UNC13B: variants seen among roughly 807,000 people sequenced by gnomAD.
UNC13B encodes the protein unc-13 homolog B, also known as protein unc-13 homolog B.
In UNC13B, 144 loss-of-function variants were observed where a neutral mutation model predicts 211.0. That is an observed-to-expected ratio of 0.68 (90% CI 0.60 to 0.78). UNC13B has a LOEUF of 0.78. Among genes scored for constraint, UNC13B ranks in the 30% least tolerant of loss-of-function variants. The probability of loss-of-function intolerance (pLI) is 0.00; values close to 1 mark genes in which losing one functional copy is unlikely to be tolerated. For missense variants in UNC13B, 1,777 were observed against 2,002.0 expected (o/e 0.89, Z 2.14); for synonymous variants, 709 against 725.8 (o/e 0.98, Z 0.37).
chr9:35,346,404 A>G (rs1832361064), intron 11 of UNC13B, among the ~76,000 whole-genome samples: 1 of 152,196 alleles, frequency 6.6e-6, no homozygotes, highest in African/African-American at 2.4e-5. Flanking sequence ...CATTTATTTG[A>G]TAAGTCAGAG....
At chr9:35,223,784 A>G (rs1824690063) in intron 1 of UNC13B, among the ~76,000 whole-genome samples, 1 of 152,076 alleles carries the variant, frequency 6.6e-6, no homozygotes. Context: ...TAGTAGTTTT[A>G]AAGTTTTGGG....
At chr9:35,378,503 C>A in intron 17 of UNC13B, 67 bp downstream of exon 17, 1 of 1,588,892 alleles carries the variant, frequency 6.3e-7, no homozygotes, top group Non-Finnish European at 8.6e-7. Context: ...CACATCCTGC[C>A]ATTCTGGGCT....
At chr9:35,299,149 T>C (rs1829547201) in intron 8 of UNC13B, among the ~76,000 whole-genome samples, 1 of 152,150 alleles carries the variant, frequency 6.6e-6, no homozygotes, top group Non-Finnish European at 1.5e-5. Context: ...GGAGAATTGC[T>C]TGAACCCAGG....
At chr9:35,340,764 A>G (rs1338162143) in intron 11 of UNC13B, among the ~76,000 whole-genome samples, 2 of 152,156 alleles carry the variant, frequency 1.3e-5, no homozygotes, top group South Asian at 4.1e-4. Flanking sequence ...ATCGAGCTCT[A>G]TATTGAGAAG....
intron 1 of UNC13B, among the ~76,000 whole-genome samples, chr9:35,184,157 C>T (rs887895227): frequency 3.6e-4 from 54 of 150,900 alleles, no homozygotes; most frequent in African/African-American, 1.2e-3. Context: ...GACAGGGTGG[C>T]GGCCAGGCAG....
chr9:35,179,250 A>C (rs1435795589), intron 1 of UNC13B, among the ~76,000 whole-genome samples: 2 of 152,220 alleles, frequency 1.3e-5, no homozygotes, highest in African/African-American at 4.8e-5. Context: ...GTCTCACTAT[A>C]GCTGTGGTTT....
At chr9:35,386,859 T>C (rs1835224446) in intron 24 of UNC13B, among the ~76,000 whole-genome samples, 1 of 152,222 alleles carries the variant, frequency 6.6e-6, no homozygotes, top group Non-Finnish European at 1.5e-5. Context: ...ACCTGGTGAC[T>C]TAGTACATTT....
intron 15 of UNC13B, 45 bp from the exon 16 acceptor site, chr9:35,377,423 C>A: frequency 1.2e-6 from 2 of 1,600,150 alleles, no homozygotes; most frequent in Non-Finnish European, 1.7e-6. Context: ...CTCAGCTCAA[C>A]CCTTGGTCTG....
rs531806172 is a variant in UNC13B at position 35,380,951 on chromosome 9, G to A, written c.10376-149G>A. 5.5e-6 allele frequency: 4 copies of A among 731,322 alleles called. No individual in the cohort carries two copies. The East Asian group carries it at 8.1e-5, about 15-fold the overall frequency. The allele number at this position is 731,322 out of a possible 1,614,324, so 45.3% of individuals were successfully genotyped here. A position where few individuals can be genotyped will look rare whatever the true frequency, so the allele number is the denominator to read the frequency against. ...GGTACTTGTGGAATATGTGGTCACT[G>A]GAGTGATTCACCCTATTTGGTGAGT... On this transcript the variant is annotated intron_variant, in intron 18 of 39. Coordinates refer to ENST00000635942, the MANE Select transcript of UNC13B (RefSeq NM_001371189.2).
chr9:35,367,215 C>T (rs1161062287), intron 12 of UNC13B, among the ~76,000 whole-genome samples: 1 of 152,116 alleles, frequency 6.6e-6, no homozygotes, highest in East Asian at 1.9e-4. Flanking sequence ...TACCCTGGTG[C>T]AGGGGAGGGA....
At chr9:35,237,359 TTAG>T (rs940926627) in intron 4 of UNC13B, among the ~76,000 whole-genome samples, 1 of 152,188 alleles carries the variant, frequency 6.6e-6, no homozygotes, top group Non-Finnish European at 1.5e-5. Flanking sequence ...GCCAGCAATG[TTAG>T]TAGCTTTTTA....
intron 7 of UNC13B, among the ~76,000 whole-genome samples, chr9:35,272,292 C>A (rs1479010594): frequency 7.4e-6 from 1 of 135,190 alleles, no homozygotes; most frequent in Non-Finnish European, 1.5e-5. Flanking sequence ...GAGTCTCACT[C>A]TGTCGTCCAG....
chr9:35,170,001 T>G (rs929120337), intron 1 of UNC13B, among the ~76,000 whole-genome samples: 2 of 152,228 alleles, frequency 1.3e-5, no homozygotes, highest in Non-Finnish European at 1.5e-5. Context: ...TAGATAGGTT[T>G]TAAAATGTCT....
intron 24 of UNC13B, among the ~76,000 whole-genome samples, chr9:35,388,478 G>T (rs1309545051): frequency 6.6e-6 from 1 of 152,194 alleles, no homozygotes; most frequent in Non-Finnish European, 1.5e-5. Context: ...ATCCAGCTGT[G>T]GGATTCAGCT....
intron 11 of UNC13B, among the ~76,000 whole-genome samples, chr9:35,344,410 C>T (rs1832223891): frequency 6.6e-6 from 1 of 152,156 alleles, no homozygotes; most frequent in Admixed American, 6.6e-5. Context: ...AGCATGTTGT[C>T]ATGGAAACAG....
intron 11 of UNC13B, chr9:35,353,420 G>A (rs1832841711): frequency 1.2e-5 from 15 of 1,232,302 alleles, no homozygotes; most frequent in Non-Finnish European, 1.5e-5. Flanking sequence ...TCTTGGGACA[G>A]TGAGTTCAGG....
At chr9:35,397,601 C>CCCTTT (rs1835970131) in intron 29 of UNC13B, 34 bp from the exon 30 acceptor site, 8 of 1,596,326 alleles carry the variant, frequency 5.0e-6, no homozygotes, top group Non-Finnish European at 1.7e-6. Flanking sequence ...GCTAAGAGTT[C>CCCTTT]CCTTTCCTTT....
rs960997781 is a variant in UNC13B, at chr9:35,285,763, C to G, written c.527-9933C>G. 2.6e-5 allele frequency among the ~76,000 whole-genome samples: 4 copies of G among 152,124 alleles called. No homozygotes were observed. The East Asian group carries it at 7.7e-4, about 29-fold the overall frequency. On this transcript the variant is annotated intron_variant, in intron 7 of 39. Transcript: ENST00000635942. ...TAATAATTCAGAATAATTCTGTAAT[C>G]TCTAATAATTCATAAGGTAATAAGT...
At position 35,300,754 on chromosome 9, in the gene UNC13B, GC is replaced by G; in HGVS notation, c.1353del (p.Lys452ArgfsTer15). Reference sequence around the variant, plus strand: ...AGATAACCCCTTCCTCTATTGAGGAGCCCAAGGAGGACCGTATTGATACAAT... The same window carrying G: ...AGATAACCCCTTCCTCTATTGAGGAGCCAAGGAGGACCGTATTGATACAAT... ...EEITPSSIEEPKEDRIDTMDE... is the reference protein window; with the variant it reads ...EEITPSSIEEXKEDRIDTMDE... On this transcript the variant is annotated frameshift_variant, in exon 9 of 40. Transcript: ENST00000635942. LOFTEE classifies it high-confidence loss of function. The G allele has an allele frequency of 2.5e-6, 1 of 398,914 alleles. No homozygotes were observed. The highest frequency in any genetic ancestry group is 4.4e-6 in the Non-Finnish European group (1 of 226,028). The allele number at this position is 398,914 out of a possible 1,614,324, so 24.7% of individuals were successfully genotyped here.
Sources: allele counts gnomAD v4.1 joint callset (sites outside exome capture counted in the v4.1 genomes callset), GRCh38; gene constraint gnomAD v4.1.1; transcripts MANE v1.5; gene names NCBI Gene and HGNC (gene_info 2026-07-23, HGNC 2026-07-21).